IL15RA: variants seen among roughly 807,000 people sequenced by gnomAD.
IL15RA encodes interleukin-15 receptor subunit alpha.
Under a neutral mutation model 24.2 loss-of-function variants are expected in IL15RA, and 26 were observed. The observed-to-expected ratio is 1.07, with a 90% CI of 0.79 to 1.49. The LOEUF is 1.49. IL15RA is among the 40% of genes most tolerant of loss of function. IL15RA has a pLI of 0.00. For synonymous variants in IL15RA, 166 were observed against 157.6 expected (o/e 1.05, Z -0.40); for missense variants, 354 against 356.4 (o/e 0.99, Z 0.05).
At chr10:5,972,645 G>A (rs991563822) in intron 1 of IL15RA, among the ~76,000 whole-genome samples, 1 of 152,112 alleles carries the variant, frequency 6.6e-6, no homozygotes, top group Non-Finnish European at 1.5e-5. Context: ...CTGCATACAT[G>A]CCCACATATG....
At chr10:5,977,213 C>A (rs561825517) in intron 1 of IL15RA, 192 bp downstream of exon 1, 322 of 359,856 alleles carry the variant, frequency 8.9e-4, no homozygotes, top group African/African-American at 6.4e-3. Flanking sequence ...TCCCTGCGAC[C>A]CCGGCTCCCG....
chr10:5,949,392 A>G, downstream of IL15RA: 3 of 470,190 alleles, frequency 6.4e-6, no homozygotes, highest in South Asian at 4.6e-5. This position sits in a 1 kb window ranked among gnomAD's most constrained non-coding sequence, Gnocchi z 4.4. Flanking sequence ...AGTGCCTAAT[A>G]TTACCTAAAA....
chr10:5,962,591 C>CA lies in IL15RA; in HGVS notation c.382+1151dup, dbSNP rs1353262028. On this transcript the variant is annotated intron_variant, in intron 3 of 6. Transcript: ENST00000379977. The surrounding 1 kb of genome is among the most constrained non-coding windows in gnomAD (Gnocchi z 5.2). ...TGGGCAATAGAGCAAGACCCCATCT[C>CA]AAAAAAAAAAAAAAAAAAGATCCAC... Among the ~76,000 whole-genome samples the CA allele has an allele frequency of 0.23, 25,103 of 108,818 alleles. 2,695 individuals are homozygous for CA. Among genetic ancestry groups the CA allele is most frequent in the Middle Eastern group, 0.3 (62 of 204 alleles). The allele number at this position is 108,818 out of a possible 152,430, so 71.4% of individuals were successfully genotyped here.
rs1181729729 is a variant in IL15RA, at chr10:5,963,459, GT to G, written c.382+283del. On this transcript the variant is annotated intron_variant, in intron 3 of 6. Coordinates refer to ENST00000379977, the MANE Select transcript of IL15RA (RefSeq NM_002189.4). The surrounding 1 kb of genome is among the most constrained non-coding windows in gnomAD (Gnocchi z 5.3). ...AACCTCAAACCTCAGTCTGCTTTCA[GT>G]TCTTGACAAAGATAAGTGTCTACAA... Among the ~76,000 whole-genome samples the G allele has an allele frequency of 6.6e-6, 1 of 152,224 alleles. No homozygotes were observed. The highest frequency in any genetic ancestry group is 1.5e-5 in the Non-Finnish European group (1 of 68,044).
At position 5,958,416 on chromosome 10, in the gene IL15RA, T is replaced by C. The variant is rs1834905965; in HGVS notation, c.616+1338A>G. The C allele has an allele frequency of 2.5e-6, 1 of 397,518 alleles. No individual in the cohort carries two copies. Among genetic ancestry groups the C allele is most frequent in the Admixed American group, 2.7e-5 (1 of 37,106 alleles). The allele number at this position is 397,518 out of a possible 1,614,324, so 24.6% of individuals were successfully genotyped here. On this transcript the variant is annotated intron_variant, in intron 5 of 6. Coordinates refer to ENST00000379977, the MANE Select transcript of IL15RA (RefSeq NM_002189.4). This position sits in a 1 kb window ranked among gnomAD's most constrained non-coding sequence, Gnocchi z 4.3. ...TCGTCTTTTTTTTGAGACAGGGTCC[T>C]GTCCTGTTGCCCAGGCCAGAGTGCA...
intron 6 of IL15RA, among the ~76,000 whole-genome samples, chr10:5,954,158 A>G (rs1356269765): frequency 6.7e-6 from 1 of 148,732 alleles, no homozygotes; most frequent in Admixed American, 6.8e-5. Context: ...CATCAAATTT[A>G]CCAATTCTTC....
chr10:5,969,336 AT>A (rs1431731779), intron 1 of IL15RA, among the ~76,000 whole-genome samples: 1 of 143,216 alleles, frequency 7.0e-6, no homozygotes. Flanking sequence ...TAAAATTAAA[AT>A]TTTTAAATTA....
At position 5,973,031 on chromosome 10, in the gene IL15RA, T is replaced by C. The variant is rs1837862460; in HGVS notation, c.88+4374A>G. ...TTACATAAAAAAAGCGAACTGAAATTGGTGGCTAGGGATATTTGTCTTCAA... is the reference window on the plus strand; with the variant it reads ...TTACATAAAAAAAGCGAACTGAAATCGGTGGCTAGGGATATTTGTCTTCAA... On this transcript the variant is annotated intron_variant, in intron 1 of 6. Coordinates refer to ENST00000379977, the MANE Select transcript of IL15RA (RefSeq NM_002189.4). The surrounding 1 kb of genome is among the most constrained non-coding windows in gnomAD (Gnocchi z 4.5). Among the ~76,000 whole-genome samples, 1 of 152,182 alleles carries C rather than the reference T, an allele frequency of 6.6e-6. No individual in the cohort carries two copies. The highest frequency in any genetic ancestry group is 2.1e-4 in the South Asian group (1 of 4,832).
chr10:5,957,436 C>T lies in IL15RA; in HGVS notation c.617-982G>A, dbSNP rs541661096. On this transcript the variant is annotated intron_variant, in intron 5 of 6. Coordinates refer to ENST00000379977, the MANE Select transcript of IL15RA (RefSeq NM_002189.4). ...GACTACAGGCAGGTGCCACCATGCC[C>T]GGCTAATTTTTGTATTTTTAGTAGA... Among the ~76,000 whole-genome samples, 8 of 151,070 alleles carry T rather than the reference C, an allele frequency of 5.3e-5. No homozygotes were observed. In the South Asian group the frequency reaches 8.4e-4, roughly 16 times the overall value.
intron 1 of IL15RA, among the ~76,000 whole-genome samples, chr10:5,976,418 A>G (rs1376353111): frequency 6.6e-6 from 1 of 152,176 alleles, no homozygotes. Context: ...CACACAGATC[A>G]TGGCGTTACT....
Position 5,963,889 on chromosome 10 carries a change from C to A in IL15RA, c.284-48G>T. 1 of 1,261,494 alleles carries A rather than the reference C, an allele frequency of 7.9e-7. No individual in the cohort carries two copies. Among genetic ancestry groups the A allele is most frequent in the Non-Finnish European group, 1.1e-6 (1 of 908,748 alleles). The allele number at this position is 1,261,494 out of a possible 1,614,324, so 78.1% of individuals were successfully genotyped here. ...GCACTTATGATCCTGAGCCTGGAAC[C>A]TGGGCTGGCTTCAGAACGGGATACA... On this transcript the variant is annotated intron_variant, in intron 2 of 6. Transcript: ENST00000379977. The surrounding 1 kb of genome is among the most constrained non-coding windows in gnomAD (Gnocchi z 5.3).
In IL15RA at chr10:5,956,452, C is replaced by G. The variant is rs1208589935; in HGVS notation, c.619G>C (p.Ala207Pro). 6.2e-7 allele frequency: 1 copy of G among 1,613,122 alleles called. No individual in the cohort carries two copies. Among genetic ancestry groups the G allele is most frequent in the Non-Finnish European group, 8.5e-7 (1 of 1,179,104 alleles). The change falls in exon 6 of 7, where the codon GCT becomes CCT. Residue 207 changes from alanine (A) to proline (P), a missense_variant and splice_region_variant. Physicochemically the swap from Ala to Pro is conservative, Grantham distance 27. Coordinates refer to ENST00000379977, the MANE Select transcript of IL15RA (RefSeq NM_002189.4). ...AGCAGGACAGTGGACGTGGAGATAG[C>G]CACTGAAAGGGAGGAGACCACGCTG... is the stretch of plus-strand genomic sequence containing the variant. ...YPQGHSDTTV[A>P]ISTSTVLLCG... is the part of the protein sequence containing the mutation.
downstream of IL15RA, chr10:5,949,299 A>G (rs537368578): frequency 2.1e-6 from 1 of 471,258 alleles, no homozygotes; most frequent in Non-Finnish European, 4.4e-6. The surrounding 1 kb of genome is among the most constrained non-coding windows in gnomAD (Gnocchi z 4.4). Flanking sequence ...TTCATCCTGA[A>G]TAGCTAAGAA....
rs1347229969 is a variant in IL15RA, at chr10:5,964,801, A to G, written c.284-960T>C. The stretch of plus-strand genomic sequence containing the variant: ...CAGGGAGTCCCAGGACTGGCAGAGT[A>G]AGACCCACCGTGGTTCCCACAGATC... On this transcript the variant is annotated intron_variant, in intron 2 of 6. Transcript: ENST00000379977. This position sits in a 1 kb window ranked among gnomAD's most constrained non-coding sequence, Gnocchi z 5.6. Among the ~76,000 whole-genome samples the G allele has an allele frequency of 6.6e-6, 1 of 152,184 alleles. No individual in the cohort carries two copies. The highest frequency in any genetic ancestry group is 1.5e-5 in the Non-Finnish European group (1 of 68,020).
intron 1 of IL15RA, among the ~76,000 whole-genome samples, chr10:5,974,244 C>T (rs149939165): frequency 2.8e-3 from 424 of 152,274 alleles, no homozygotes; most frequent in African/African-American, 9.4e-3. Context: ...AAGTGATCTG[C>T]CCGCGTTGGC....
In IL15RA at chr10:5,959,675, G is replaced by T; in HGVS notation, c.616+79C>A. The T allele has an allele frequency of 7.7e-7, 1 of 1,296,804 alleles. No homozygotes were observed. The highest frequency in any genetic ancestry group is 1.1e-6 in the Non-Finnish European group (1 of 894,252). The allele number at this position is 1,296,804 out of a possible 1,614,324, so 80.3% of individuals were successfully genotyped here. On this transcript the variant is annotated intron_variant, in intron 5 of 6. Coordinates refer to ENST00000379977, the MANE Select transcript of IL15RA (RefSeq NM_002189.4). This position sits in a 1 kb window ranked among gnomAD's most constrained non-coding sequence, Gnocchi z 4.1. ...TGTCAGGGCTGTGCTGGGGCAGCGG[G>T]CCTGGGCCAGGACCACCCAGCACCC...
Position 5,965,645 on chromosome 10 carries a change from C to A in IL15RA, c.283+500G>T, listed in dbSNP as rs1836385843. Among the ~76,000 whole-genome samples the A allele has an allele frequency of 6.6e-6, 1 of 152,242 alleles. No individual in the cohort carries two copies. The highest frequency in any genetic ancestry group is 1.9e-4 in the East Asian group (1 of 5,208). Reference sequence around the variant, plus strand: ...TAGGCGGCAAAGCCAGGATTTAAACCCAGAATCCTGTGACCCCAGCACCTG... The same window carrying A: ...TAGGCGGCAAAGCCAGGATTTAAACACAGAATCCTGTGACCCCAGCACCTG... On this transcript the variant is annotated intron_variant, in intron 2 of 6. Transcript: ENST00000379977. This position sits in a 1 kb window ranked among gnomAD's most constrained non-coding sequence, Gnocchi z 5.8.
downstream of IL15RA, chr10:5,950,606 T>G (rs1443329958): frequency 6.6e-6 from 1 of 152,224 alleles, no homozygotes; most frequent in Non-Finnish European, 1.5e-5. This position sits in a 1 kb window ranked among gnomAD's most constrained non-coding sequence, Gnocchi z 5.6. Flanking sequence ...TTCCCTTTCA[T>G]CATTCCTGGC....
At chr10:5,949,741 T>C (rs1833743591), downstream of IL15RA, among the ~76,000 whole-genome samples, 1 of 152,196 alleles carries the variant, frequency 6.6e-6, no homozygotes, top group Admixed American at 6.6e-5. This position sits in a 1 kb window ranked among gnomAD's most constrained non-coding sequence, Gnocchi z 4.4. Flanking sequence ...AATGGAAATC[T>C]GCATCTATAC....
Sources: gnomAD v4.1 joint callset for allele counts (sites outside exome capture counted in the v4.1 genomes callset) on GRCh38, gnomAD v4.1.1 for gene constraint, Gnocchi (gnomAD v3.1) non-coding constraint, MANE v1.5 for transcripts, NCBI Gene and HGNC (gene_info 2026-07-23, HGNC 2026-07-21) for gene names.